EXT2: variants seen among roughly 807,000 people sequenced by gnomAD.
EXT2 encodes exostosin glycosyltransferase 2, also known as exostosin-2.
In EXT2, 53 loss-of-function variants were observed where a neutral mutation model predicts 81.6. The observed-to-expected ratio is 0.65, with a 90% CI of 0.52 to 0.82. The LOEUF (loss-of-function observed/expected upper bound fraction) is 0.82. Ranked by LOEUF, EXT2 falls within the 40% of genes least tolerant of loss-of-function variation. EXT2 has a pLI of 0.00. For missense variants in EXT2, 774 were observed against 910.2 expected, an observed-to-expected ratio of 0.85 and a Z score of 1.93; for synonymous variants, 320 against 340.0, an observed-to-expected ratio of 0.94 and a Z score of 0.65.
At chr11:44,235,565 T>A (rs1955953770) in intron 12 of EXT2, among the ~76,000 whole-genome samples, 1 of 152,162 alleles carries the variant, frequency 6.6e-6, no homozygotes, top group Non-Finnish European at 1.5e-5. Flanking sequence ...CTTTTTAACA[T>A]GCTTCAACAT....
intron 1 of EXT2, among the ~76,000 whole-genome samples, chr11:44,099,267 G>T (rs1275369862): frequency 6.6e-6 from 1 of 152,096 alleles, no homozygotes; most frequent in Non-Finnish European, 1.5e-5. Context: ...TTCACTGCAA[G>T]CTCCGCCTCC....
Position 44,245,148 on chromosome 11 carries a change from T to C in EXT2, c.*861T>C, listed in dbSNP as rs1050116809. 3.0e-5 allele frequency: 7 copies of C among 229,880 alleles called. No homozygotes were observed. Among genetic ancestry groups the C allele is most frequent in the African/African-American group, 1.6e-4 (7 of 45,120 alleles). 14.2% of individuals were successfully genotyped at this position (229,880 alleles called of 1,614,324 possible). On this transcript the variant is annotated 3_prime_UTR_variant, in exon 14 of 14. Transcript: ENST00000533608. ...ACTCAGAAACCTCCAGAGGAATCTG[T>C]TTGCTTCCTGATTAGATCCAGTCAA...
intron 7 of EXT2, among the ~76,000 whole-genome samples, chr11:44,135,986 A>G (rs1954560816): frequency 6.6e-6 from 1 of 152,228 alleles, no homozygotes; most frequent in South Asian, 2.1e-4. Context: ...TGAATCTTTA[A>G]GCTAAGTTTA....
chr11:44,236,695 A>G (rs1431515903), intron 13 of EXT2, among the ~76,000 whole-genome samples: 1 of 152,224 alleles, frequency 6.6e-6, no homozygotes, highest in Non-Finnish European at 1.5e-5. Flanking sequence ...TTCCAAGGAA[A>G]TACTGGATTA....
intron 9 of EXT2, among the ~76,000 whole-genome samples, chr11:44,201,884 C>G (rs1955526265): frequency 6.6e-6 from 1 of 152,082 alleles, no homozygotes; most frequent in South Asian, 2.1e-4. Flanking sequence ...AATGCTTATT[C>G]TTTGATTGCT....
chr11:44,212,486 A>G (rs1955662542), intron 10 of EXT2, among the ~76,000 whole-genome samples: 1 of 152,136 alleles, frequency 6.6e-6, no homozygotes, highest in Non-Finnish European at 1.5e-5. Flanking sequence ...ATTAAAAAGA[A>G]TGACAATACT....
At chr11:44,228,040 CA>C (rs1461407423) in intron 10 of EXT2, among the ~76,000 whole-genome samples, 3 of 152,196 alleles carry the variant, frequency 2.0e-5, no homozygotes, top group African/African-American at 7.2e-5. Flanking sequence ...TACATTGTTA[CA>C]ATCCCCATTT....
chr11:44,100,752 G>A (rs1953969890), intron 1 of EXT2, among the ~76,000 whole-genome samples: 1 of 152,170 alleles, frequency 6.6e-6, no homozygotes, highest in African/African-American at 2.4e-5. Context: ...GCACAGCCTT[G>A]ACAGGTTGCC....
chr11:44,193,911 G>T (rs1434946006), intron 8 of EXT2, among the ~76,000 whole-genome samples: 2 of 152,118 alleles, frequency 1.3e-5, no homozygotes, highest in African/African-American at 2.4e-5. Flanking sequence ...ATTCCTTCCT[G>T]TCCTTCCTCC....
At chr11:44,146,051 T>C (rs1400765553) in intron 7 of EXT2, among the ~76,000 whole-genome samples, 2 of 152,214 alleles carry the variant, frequency 1.3e-5, no homozygotes, top group Non-Finnish European at 2.9e-5. Flanking sequence ...ATCAACGAGT[T>C]GGCAGGGAGG....
intron 7 of EXT2, among the ~76,000 whole-genome samples, chr11:44,135,242 A>G (rs1954548477): frequency 6.6e-6 from 1 of 152,210 alleles, no homozygotes; most frequent in African/African-American, 2.4e-5. Context: ...TCCTACTTGC[A>G]TACAATTTCA....
chr11:44,185,432 G>C (rs1050368617), intron 8 of EXT2, among the ~76,000 whole-genome samples: 2 of 152,018 alleles, frequency 1.3e-5, no homozygotes, highest in African/African-American at 4.8e-5. Context: ...AAAAAGGAAG[G>C]CTTCATCTGT....
rs146705428 is a variant in EXT2, at chr11:44,147,105, A to G, written c.1173+16967A>G. Among the ~76,000 whole-genome samples, 44 of 152,304 alleles carry G rather than the reference A, an allele frequency of 2.9e-4. No individual in the cohort carries two copies. The East Asian group carries it at 8.5e-3, about 29-fold the overall frequency. On this transcript the variant is annotated intron_variant, in intron 7 of 13. Transcript: ENST00000533608. ...ATGCCTGCCTTTTGTTGCCTCACCT[A>G]GATGCATCAGCTAGATCAACCCGCC...
rs190847984 is a variant in EXT2 at position 44,201,060 on chromosome 11, G to A, written c.1495+3042G>A. On this transcript the variant is annotated intron_variant, in intron 9 of 13. Coordinates refer to ENST00000533608, the MANE Select transcript of EXT2 (RefSeq NM_207122.2). Reference sequence around the variant, plus strand: ...AATTCTGCAACGCATTTGAAAAATCGTATTTTTCAGGCTACTTTGTATGAA... The same window carrying A: ...AATTCTGCAACGCATTTGAAAAATCATATTTTTCAGGCTACTTTGTATGAA... Among the ~76,000 whole-genome samples the A allele has an allele frequency of 7.9e-5, 12 of 152,268 alleles. 1 individual carries two copies. The highest frequency in any genetic ancestry group is 1.3e-4 in the Admixed American group (2 of 15,290).
intron 10 of EXT2, among the ~76,000 whole-genome samples, chr11:44,211,593 G>A (rs1043368477): frequency 6.6e-6 from 1 of 152,216 alleles, no homozygotes; most frequent in Non-Finnish European, 1.5e-5. Flanking sequence ...GAAGTAGAGA[G>A]TAGAATGGTG....
chr11:44,112,237 C>T (rs898545686), intron 3 of EXT2, among the ~76,000 whole-genome samples: 22 of 152,138 alleles, frequency 1.4e-4, no homozygotes, highest in Admixed American at 1.3e-3. Context: ...GTGGAGAATA[C>T]AAGGCCGTGG....
rs751726068 is a variant in EXT2 at position 44,236,328 on chromosome 11, C to T, written c.1971C>T (p.Cys657=). ...TPRKKFKCPE[C]TAIDGLSLDQ... is the part of the protein sequence containing the mutation. Reference sequence around the variant, plus strand: ...GAAAGAAATTCAAGTGTCCTGAGTGCACAGCCATAGATGGGCTTTCACTAG... The same window carrying T: ...GAAAGAAATTCAAGTGTCCTGAGTGTACAGCCATAGATGGGCTTTCACTAG... Residue 657 remains cysteine, a synonymous_variant, in exon 13 of 14, where the codon TGC becomes TGT. Transcript: ENST00000533608. The T allele has an allele frequency of 6.2e-7, 1 of 1,614,098 alleles. No homozygotes were observed. The highest frequency in any genetic ancestry group is 8.5e-7 in the Non-Finnish European group (1 of 1,180,010).
intron 7 of EXT2, 72 bp from the exon 8 acceptor site, chr11:44,171,539 A>T: frequency 6.2e-7 from 1 of 1,610,036 alleles, no homozygotes; most frequent in South Asian, 1.1e-5. Context: ...CCTGGAGTTG[A>T]CTATGATAGA....
intron 9 of EXT2, among the ~76,000 whole-genome samples, chr11:44,200,977 A>G (rs1205531550): frequency 6.6e-6 from 1 of 152,210 alleles, no homozygotes; most frequent in African/African-American, 2.4e-5. Flanking sequence ...TTTGAGCTGG[A>G]CTAAAGCTCA....
Sources: allele counts gnomAD v4.1 joint callset (sites outside exome capture counted in the v4.1 genomes callset), GRCh38; gene constraint gnomAD v4.1.1; transcripts MANE v1.5; gene names NCBI Gene and HGNC (gene_info 2026-07-23, HGNC 2026-07-21).